Variants in TOM1L2 observed in about 807,000 individuals in gnomAD.
TOM1L2 encodes target of myb1 like 2 membrane trafficking protein.
A neutral mutation model predicts 67.9 loss-of-function variants in TOM1L2; 31 were observed. The observed-to-expected ratio is 0.46, with a 90% CI of 0.34 to 0.62. The LOEUF (loss-of-function observed/expected upper bound fraction) is 0.62, where lower values mean the gene tolerates loss of function less well. Among genes scored for constraint, TOM1L2 ranks in the 20% least tolerant of loss-of-function variants. The pLI is 0.01. For missense variants in TOM1L2, 606 were observed against 663.5 expected (o/e 0.91, Z 0.95); for synonymous variants, 256 against 254.0 (o/e 1.01, Z -0.07).
At chr17:17,911,798 G>GCGGC in intron 1 of TOM1L2, among the ~76,000 whole-genome samples, 1 of 147,960 alleles carries the variant, frequency 6.8e-6, no homozygotes, top group African/African-American at 2.5e-5. Context: ...AGAGGACCCT[G>GCGGC]CGGCCTTCCG....
In TOM1L2 at chr17:17,847,449, C is replaced by A. The variant is rs575394241; in HGVS notation, c.*186G>T. The A allele has an allele frequency of 3.6e-5, 26 of 719,502 alleles. 1 individual carries two copies. In the South Asian group the frequency reaches 4.9e-4, roughly 13 times the overall value. The allele number at this position is 719,502 out of a possible 1,614,324, so 44.6% of individuals were successfully genotyped here. A position where few individuals can be genotyped will look rare whatever the true frequency, so the allele number is the denominator to read the frequency against. ...CTCTGGCTGCAGTTGTCCCACCACT[C>A]AGAGAAAAGAAGTGGCTGAAGCTGG... On this transcript the variant is annotated 3_prime_UTR_variant, in exon 15 of 15. Coordinates refer to ENST00000379504, the MANE Select transcript of TOM1L2 (RefSeq NM_001082968.2).
At chr17:17,925,713 G>A (rs1386850790) in intron 1 of TOM1L2, among the ~76,000 whole-genome samples, 1 of 149,300 alleles carries the variant, frequency 6.7e-6, no homozygotes, top group Non-Finnish European at 1.5e-5. Context: ...AAATTAGCCA[G>A]ATGTGGTAAC....
intron 1 of TOM1L2, among the ~76,000 whole-genome samples, chr17:17,921,014 G>C (rs1270969708): frequency 6.6e-6 from 1 of 152,198 alleles, no homozygotes; most frequent in African/African-American, 2.4e-5. Context: ...CTGAACTCCA[G>C]ATGTTATTTG....
intron 1 of TOM1L2, among the ~76,000 whole-genome samples, chr17:17,931,377 A>G (rs6502622): frequency 0.5 from 75,227 of 151,952 alleles, 19,760 homozygotes; most frequent in East Asian, 0.86. Flanking sequence ...TTGGAGTCAG[A>G]CCAATTGAGC....
In TOM1L2 at chr17:17,889,363, A is replaced by G. The variant is rs557438837; in HGVS notation, c.366+4298T>C. 2.0e-5 allele frequency among the ~76,000 whole-genome samples: 3 copies of G among 152,336 alleles called. No individual in the cohort carries two copies. In the South Asian group the frequency reaches 6.2e-4, roughly 32 times the overall value. On this transcript the variant is annotated intron_variant, in intron 4 of 14. Transcript: ENST00000379504. ...GCGAATGGCACTCTGAAAGGGAATCAGAAGGTGGGCTGGGGGCAGGCAGAT... is the reference window on the plus strand; with the variant it reads ...GCGAATGGCACTCTGAAAGGGAATCGGAAGGTGGGCTGGGGGCAGGCAGAT...
intron 4 of TOM1L2, among the ~76,000 whole-genome samples, chr17:17,892,384 C>A (rs2038333244): frequency 6.6e-6 from 1 of 152,190 alleles, no homozygotes; most frequent in Non-Finnish European, 1.5e-5. Flanking sequence ...TTGGCTCCTG[C>A]AGGCCCTTGT....
At chr17:17,930,640 G>C (rs954053795) in intron 1 of TOM1L2, among the ~76,000 whole-genome samples, 2 of 152,136 alleles carry the variant, frequency 1.3e-5, no homozygotes, top group African/African-American at 4.8e-5. Context: ...CCTTGTGATG[G>C]TACAAGAAGG....
chr17:17,855,658 G>C (rs888854054), intron 12 of TOM1L2, among the ~76,000 whole-genome samples: 3 of 152,152 alleles, frequency 2.0e-5, no homozygotes, highest in Non-Finnish European at 2.9e-5. Context: ...GGAGCATAAG[G>C]GTTCCAACAG....
intron 10 of TOM1L2, 49 bp downstream of exon 10, chr17:17,866,247 G>A: frequency 1.3e-6 from 2 of 1,559,726 alleles, no homozygotes; most frequent in Non-Finnish European, 1.7e-6. Flanking sequence ...TGCAAGGGAG[G>A]CCAGTGGTAG....
At chr17:17,931,433 TA>T (rs2040330124) in intron 1 of TOM1L2, among the ~76,000 whole-genome samples, 1 of 152,142 alleles carries the variant, frequency 6.6e-6, no homozygotes, top group Non-Finnish European at 1.5e-5. Context: ...CCTAACCAAA[TA>T]ACTAAATGTC....
chr17:17,867,836 T>C (rs1226965001), intron 8 of TOM1L2, among the ~76,000 whole-genome samples: 1 of 152,176 alleles, frequency 6.6e-6, no homozygotes, highest in African/African-American at 2.4e-5. Context: ...AAACGACTTG[T>C]GTGTTTTTTC....
intron 7 of TOM1L2, among the ~76,000 whole-genome samples, chr17:17,876,438 G>C (rs943478566): frequency 3.9e-5 from 6 of 152,190 alleles, no homozygotes; most frequent in Non-Finnish European, 7.3e-5. Flanking sequence ...CTGTGCAGTG[G>C]GTGGGGCTTA....
chr17:17,947,027 G>C (rs1477316443), intron 1 of TOM1L2, among the ~76,000 whole-genome samples: 1 of 152,084 alleles, frequency 6.6e-6, no homozygotes, highest in Non-Finnish European at 1.5e-5. Flanking sequence ...GCCAGCCTAA[G>C]TGTTGATCTA....
chr17:17,962,113 G>T (rs1427267247), intron 1 of TOM1L2, among the ~76,000 whole-genome samples: 1 of 152,212 alleles, frequency 6.6e-6, no homozygotes, highest in Non-Finnish European at 1.5e-5. Context: ...AGTCAGTCAT[G>T]AAAGGATAAA....
intron 1 of TOM1L2, among the ~76,000 whole-genome samples, chr17:17,938,767 T>G (rs1420121694): frequency 2.7e-5 from 1 of 37,280 alleles, no homozygotes; most frequent in Non-Finnish European, 4.3e-5. Context: ...GTTGAAAGGG[T>G]TTTTTTTTTT....
chr17:17,972,209 A>G, intron 1 of TOM1L2, 53 bp downstream of exon 1: 2 of 1,546,750 alleles, frequency 1.3e-6, no homozygotes, highest in South Asian at 1.2e-5. Context: ...GGTCCTCACC[A>G]GCCGGATCAG....
intron 8 of TOM1L2, chr17:17,869,052 G>A (rs1461813260): frequency 2.6e-6 from 1 of 390,998 alleles, no homozygotes; most frequent in Non-Finnish European, 4.7e-6. Flanking sequence ...ACCCCTCCCT[G>A]GGGCTGGGGG....
intron 9 of TOM1L2, 84 bp from the exon 10 acceptor site, chr17:17,866,503 G>T (rs2036857759): frequency 1.4e-6 from 2 of 1,457,738 alleles, no homozygotes; most frequent in Non-Finnish European, 1.8e-6. Context: ...ACTATGCAGG[G>T]TTCCAAGAAG....
chr17:17,938,766 GT>G lies in TOM1L2; in HGVS notation c.53-31236del, dbSNP rs372811565. On this transcript the variant is annotated intron_variant, in intron 1 of 14. Transcript: ENST00000379504. ...TCACCATGAGGCAAAGGTTGAAAGG[GT>G]TTTTTTTTTTTTTTAATATTTTGTA... is the stretch of plus-strand genomic sequence containing the variant. Among the ~76,000 whole-genome samples, 540 of 144,840 alleles carry G rather than the reference GT, an allele frequency of 3.7e-3. 4 individuals are homozygous for G. The highest frequency in any genetic ancestry group is 9.6e-3 in the African/African-American group (378 of 39,472).
Sources: allele counts gnomAD v4.1 joint callset (sites outside exome capture counted in the v4.1 genomes callset), GRCh38; gene constraint gnomAD v4.1.1; transcripts MANE v1.5; gene names NCBI Gene and HGNC (gene_info 2026-07-23, HGNC 2026-07-21).